PCDH9: variants seen among roughly 807,000 people sequenced by gnomAD.
The protein encoded by PCDH9 is protocadherin-9.
A neutral mutation model predicts 70.6 loss-of-function variants in PCDH9; 24 were observed. The observed-to-expected ratio is 0.34, with a 90% CI of 0.25 to 0.48. PCDH9 has a LOEUF of 0.48. PCDH9 is among the 20% of genes least tolerant of loss of function. PCDH9 has a pLI of 0.99. For synonymous variants in PCDH9, 562 were observed against 558.5 expected, an observed-to-expected ratio of 1.01 and a Z score of -0.09; for missense variants, 1,281 against 1,503.6, an observed-to-expected ratio of 0.85 and a Z score of 2.45.
intron 3 of PCDH9, among the ~76,000 whole-genome samples, chr13:66,806,637 T>C (rs1338003988): frequency 1.3e-5 from 2 of 152,156 alleles, no homozygotes. Flanking sequence ...GGGTTTGTAG[T>C]TTGGATCTGC....
At chr13:67,067,815 T>C (rs942285167) in intron 2 of PCDH9, among the ~76,000 whole-genome samples, 1 of 151,790 alleles carries the variant, frequency 6.6e-6, no homozygotes, top group Non-Finnish European at 1.5e-5. Flanking sequence ...TACTAAAACA[T>C]TAAAGATTGA....
At chr13:66,768,250 TA>T (rs2079750921) in intron 3 of PCDH9, among the ~76,000 whole-genome samples, 1 of 151,996 alleles carries the variant, frequency 6.6e-6, no homozygotes, top group Non-Finnish European at 1.5e-5. Context: ...ATCAAAGGCA[TA>T]AAAAATGAAA....
chr13:67,145,615 T>A (rs539986605), intron 2 of PCDH9, among the ~76,000 whole-genome samples: 1 of 152,138 alleles, frequency 6.6e-6, no homozygotes, highest in South Asian at 2.1e-4. Flanking sequence ...AAACCCATCT[T>A]TTGAAGTTTC....
In PCDH9 at chr13:66,601,282, T is replaced by C. The variant is rs2077162415; in HGVS notation, c.3340+29928A>G. ...TTCTCTTTAAAAATAATGTTTAGTT[T>C]TTTAAAATGCCTTCTATAAATCTTC... On this transcript the variant is annotated intron_variant, in intron 4 of 4. Coordinates refer to ENST00000377865, the MANE Select transcript of PCDH9 (RefSeq NM_203487.3). Among the ~76,000 whole-genome samples, 3 of 146,066 alleles carry C rather than the reference T, an allele frequency of 2.1e-5. No homozygotes were observed. The Admixed American group carries it at 2.1e-4, about 10-fold the overall frequency.
At chr13:67,017,667 G>A (rs1024747032) in intron 2 of PCDH9, among the ~76,000 whole-genome samples, 2 of 152,130 alleles carry the variant, frequency 1.3e-5, no homozygotes, top group African/African-American at 2.4e-5. Flanking sequence ...TATCCCAAAT[G>A]TAATATGCAA....
chr13:66,730,876 G>GTGTTTTTTTTTTTTTTT (rs1555262846), intron 3 of PCDH9, among the ~76,000 whole-genome samples: 2 of 46,358 alleles, frequency 4.3e-5, no homozygotes, highest in African/African-American at 1.5e-4. Flanking sequence ...GTGTGTGTGT[G>GTGTTTTTTTTTTTTTTT]TTTTTTTTTT....
Position 67,228,547 on chromosome 13 carries a change from A to AT in PCDH9, c.-108dup. On this transcript the variant is annotated 5_prime_UTR_variant, in exon 2 of 5. It introduces an in-frame stop codon into an upstream open reading frame of the 5' UTR. Transcript: ENST00000377865. Reference sequence around the variant, plus strand: ...GCGTGCATGGACTGGAGGATGCATTATATCTCATCACTTATTTGGAGACAG... The same window carrying AT: ...GCGTGCATGGACTGGAGGATGCATTATTATCTCATCACTTATTTGGAGACAG... The AT allele has an allele frequency of 1.2e-6, 1 of 817,456 alleles. No homozygotes were observed. 50.6% of individuals were successfully genotyped at this position (817,456 alleles called of 1,614,324 possible).
intron 2 of PCDH9, among the ~76,000 whole-genome samples, chr13:67,097,709 A>G (rs1411051326): frequency 2.0e-5 from 3 of 152,142 alleles, no homozygotes; most frequent in African/African-American, 7.2e-5. Context: ...CATCTACACT[A>G]AAGAAAATTT....
intron 2 of PCDH9, among the ~76,000 whole-genome samples, chr13:67,174,771 T>C (rs1176638317): frequency 1.3e-5 from 2 of 152,172 alleles, no homozygotes; most frequent in South Asian, 2.1e-4. Context: ...TCATAAAGTG[T>C]CATTTCTTTA....
chr13:66,877,565 T>C (rs1451770297), intron 3 of PCDH9, among the ~76,000 whole-genome samples: 1 of 152,112 alleles, frequency 6.6e-6, no homozygotes, highest in Non-Finnish European at 1.5e-5. Context: ...TCTGGGAAAA[T>C]GTGCCTGCAT....
intron 4 of PCDH9, among the ~76,000 whole-genome samples, chr13:66,342,796 G>GTATT (rs869028823): frequency 0.18 from 3,215 of 17,956 alleles, 116 homozygotes; most frequent in African/African-American, 0.21. Context: ...TTTATTTATT[G>GTATT]TATTTATTTA....
chr13:66,446,028 A>G (rs1958082083), intron 4 of PCDH9, among the ~76,000 whole-genome samples: 1 of 151,894 alleles, frequency 6.6e-6, no homozygotes. Context: ...AACTATTTAA[A>G]AATAAAGCAT....
At chr13:67,025,038 G>C (rs147300720) in intron 2 of PCDH9, among the ~76,000 whole-genome samples, 2 of 152,136 alleles carry the variant, frequency 1.3e-5, no homozygotes, top group African/African-American at 4.8e-5. Context: ...GAACCAATTA[G>C]TCACATGGAA....
chr13:66,327,351 T>C (rs1955866362), intron 4 of PCDH9, among the ~76,000 whole-genome samples: 1 of 152,206 alleles, frequency 6.6e-6, no homozygotes, highest in African/African-American at 2.4e-5. Flanking sequence ...TGCTACTCTC[T>C]CAAAATGTAC....
At chr13:66,886,396 G>A (rs2082005252) in intron 3 of PCDH9, among the ~76,000 whole-genome samples, 1 of 152,106 alleles carries the variant, frequency 6.6e-6, no homozygotes, top group South Asian at 2.1e-4. Context: ...ATGAGTCTAG[G>A]CTACATAGGT....
At chr13:66,399,003 G>A (rs1435713393) in intron 4 of PCDH9, among the ~76,000 whole-genome samples, 1 of 152,146 alleles carries the variant, frequency 6.6e-6, no homozygotes, top group East Asian at 1.9e-4. Context: ...AGACACACCT[G>A]TAACTGAATC....
chr13:66,737,975 G>C lies in PCDH9; in HGVS notation c.3139-106564C>G, dbSNP rs561107676. On this transcript the variant is annotated intron_variant, in intron 3 of 4. Coordinates refer to ENST00000377865, the MANE Select transcript of PCDH9 (RefSeq NM_203487.3). ...GGTAAACAAAGCAGCCAGGAAGCTC[G>C]AACTGGGTGGAGCCCACCACAGCTC... 1.1e-4 allele frequency among the ~76,000 whole-genome samples: 17 copies of C among 152,258 alleles called. No individual in the cohort carries two copies. The South Asian group carries it at 2.1e-3, about 19-fold the overall frequency.
intron 3 of PCDH9, among the ~76,000 whole-genome samples, chr13:66,724,704 C>T (rs1359524996): frequency 5.3e-5 from 8 of 152,086 alleles, no homozygotes; most frequent in Non-Finnish European, 1.2e-4. Flanking sequence ...GCCAAATAAC[C>T]TAACCTGAAA....
At chr13:66,673,332 T>A (rs1335531470) in intron 3 of PCDH9, among the ~76,000 whole-genome samples, 5 of 152,142 alleles carry the variant, frequency 3.3e-5, no homozygotes, top group African/African-American at 1.2e-4. Context: ...CCTTCGTTCC[T>A]CCTTCCCCTT....
Sources: gnomAD v4.1 joint callset for allele counts (sites outside exome capture counted in the v4.1 genomes callset) on GRCh38, gnomAD v4.1.1 for gene constraint, MANE v1.5 for transcripts, NCBI Gene and HGNC (gene_info 2026-07-23, HGNC 2026-07-21) for gene names.